The following SEC22A variants were observed in gnomAD, a reference collection of about 807,000 sequenced individuals.
The protein encoded by SEC22A is SEC22 homolog A, vesicle trafficking protein, also known as vesicle-trafficking protein SEC22a.
Under a neutral mutation model 35.3 loss-of-function variants are expected in SEC22A, and 22 were observed. That is an observed-to-expected ratio of 0.62 (90% CI 0.45 to 0.89). The LOEUF is 0.89. Among genes scored for constraint, SEC22A ranks in the 40% least tolerant of loss-of-function variants. SEC22A has a pLI of 0.00. For missense variants in SEC22A, 354 were observed against 362.5 expected (o/e 0.98, Z 0.19); for synonymous variants, 119 against 129.5 (o/e 0.92, Z 0.55).
chr3:123,238,084 G>A (rs955851376), intron 4 of SEC22A, among the ~76,000 whole-genome samples: 1 of 152,088 alleles, frequency 6.6e-6, no homozygotes, highest in Non-Finnish European at 1.5e-5. Flanking sequence ...AGCCTGGGAG[G>A]TTGAGGCTGC....
At chr3:123,269,179 A>G (rs62262617) in intron 6 of SEC22A, among the ~76,000 whole-genome samples, 28,994 of 120,652 alleles carry the variant, frequency 0.24, 3,033 homozygotes, top group Middle Eastern at 0.32. Context: ...AATTAAATAT[A>G]TGTGTGTGTG....
At chr3:123,249,844 A>G (rs1446269938) in intron 5 of SEC22A, among the ~76,000 whole-genome samples, 1 of 152,102 alleles carries the variant, frequency 6.6e-6, no homozygotes, top group Non-Finnish European at 1.5e-5. Context: ...TTATCACTCA[A>G]GAAATTACAA....
At chr3:123,225,812 T>C (rs1937209776) in intron 4 of SEC22A, among the ~76,000 whole-genome samples, 1 of 152,198 alleles carries the variant, frequency 6.6e-6, no homozygotes, top group Non-Finnish European at 1.5e-5. Flanking sequence ...AACTATATTA[T>C]GTACCCATTA....
At chr3:123,269,141 A>G (rs902721426) in intron 6 of SEC22A, among the ~76,000 whole-genome samples, 2 of 151,062 alleles carry the variant, frequency 1.3e-5, no homozygotes, top group Non-Finnish European at 2.9e-5. Flanking sequence ...GTAGAGACCT[A>G]TTATTTTAAA....
At chr3:123,216,495 TAATA>T (rs1404873835) in intron 2 of SEC22A, among the ~76,000 whole-genome samples, 3 of 152,244 alleles carry the variant, frequency 2.0e-5, no homozygotes, top group Non-Finnish European at 4.4e-5. Context: ...TATTTCATAT[TAATA>T]AATATTTTCA....
chr3:123,252,447 C>G (rs906317489), intron 5 of SEC22A, among the ~76,000 whole-genome samples: 2 of 152,002 alleles, frequency 1.3e-5, no homozygotes, highest in Non-Finnish European at 2.9e-5. Flanking sequence ...GGGCAGTACC[C>G]CAGATTGAGT....
intron 6 of SEC22A, among the ~76,000 whole-genome samples, chr3:123,270,914 A>G (rs1938145840): frequency 6.6e-6 from 1 of 152,202 alleles, no homozygotes; most frequent in Non-Finnish European, 1.5e-5. Flanking sequence ...TTAAAATTTA[A>G]TATTTATATG....
chr3:123,226,795 A>G (rs1937224414), intron 4 of SEC22A, among the ~76,000 whole-genome samples: 2 of 152,188 alleles, frequency 1.3e-5, no homozygotes, highest in Non-Finnish European at 2.9e-5. Context: ...TGCCCAGGCC[A>G]ATGTCCTGGA....
chr3:123,249,005 T>C (rs1937588771), intron 5 of SEC22A, among the ~76,000 whole-genome samples: 2 of 152,180 alleles, frequency 1.3e-5, no homozygotes, highest in South Asian at 2.1e-4. Flanking sequence ...CAAGTTCAGG[T>C]TGTCACCAAT....
intron 2 of SEC22A, among the ~76,000 whole-genome samples, chr3:123,221,395 C>A (rs768578974): frequency 7.2e-6 from 1 of 138,072 alleles, no homozygotes; most frequent in Admixed American, 8.0e-5. Flanking sequence ...CGCTTGAACC[C>A]GGGAGGCGGA....
intron 4 of SEC22A, chr3:123,243,934 TAAC>T (rs1270262519): frequency 6.6e-6 from 1 of 152,196 alleles, no homozygotes; most frequent in African/African-American, 2.4e-5. Flanking sequence ...AAGGCAATAA[TAAC>T]AAAAGCAAAA....
chr3:123,269,217 A>ATATG (rs1938099970), intron 6 of SEC22A, among the ~76,000 whole-genome samples: 1 of 96,008 alleles, frequency 1.0e-5, no homozygotes, highest in Non-Finnish European at 2.3e-5. Context: ...GTGTGTGTGT[A>ATATG]TATATTACTG....
chr3:123,212,721 GA>G (rs1005821059), intron 2 of SEC22A, among the ~76,000 whole-genome samples: 1 of 149,242 alleles, frequency 6.7e-6, no homozygotes, highest in African/African-American at 2.5e-5. Context: ...GGCAATTTAG[GA>G]AAAAAAAAAT....
chr3:123,249,334 C>T (rs531370048), intron 5 of SEC22A, among the ~76,000 whole-genome samples: 1 of 152,116 alleles, frequency 6.6e-6, no homozygotes, highest in African/African-American at 2.4e-5. Context: ...TTTCTCTCCC[C>T]TCCCCGGAGG....
At chr3:123,205,443 C>CT (rs1936835054) in intron 1 of SEC22A, among the ~76,000 whole-genome samples, 1 of 152,118 alleles carries the variant, frequency 6.6e-6, no homozygotes, top group South Asian at 2.1e-4. Flanking sequence ...AATCCCAGCA[C>CT]TTTGTGAGGC....
intron 2 of SEC22A, among the ~76,000 whole-genome samples, chr3:123,216,988 G>A (rs1302735966): frequency 1.3e-5 from 2 of 151,890 alleles, no homozygotes; most frequent in Non-Finnish European, 2.9e-5. Flanking sequence ...CACCACACCT[G>A]GCTAATTTAA....
intron 4 of SEC22A, among the ~76,000 whole-genome samples, chr3:123,232,772 A>G (rs957902202): frequency 2.0e-5 from 3 of 152,216 alleles, no homozygotes; most frequent in African/African-American, 7.2e-5. Flanking sequence ...ATGCAGACCA[A>G]TATATCTTAT....
At chr3:123,213,151 T>C (rs1235765614) in intron 2 of SEC22A, among the ~76,000 whole-genome samples, 1 of 152,222 alleles carries the variant, frequency 6.6e-6, no homozygotes, top group Non-Finnish European at 1.5e-5. Context: ...CAATAAGGAT[T>C]GGAAAACAGA....
intron 4 of SEC22A, among the ~76,000 whole-genome samples, chr3:123,238,940 A>G (rs1937476610): frequency 2.6e-5 from 4 of 152,204 alleles, no homozygotes; most frequent in Admixed American, 2.6e-4. Flanking sequence ...GAATGGTATA[A>G]TTAACTCTCA....
Sources: allele counts gnomAD v4.1 joint callset (sites outside exome capture counted in the v4.1 genomes callset), GRCh38; gene constraint gnomAD v4.1.1; transcripts MANE v1.5; gene names NCBI Gene and HGNC (gene_info 2026-07-23, HGNC 2026-07-21).